HEATR5B: variants seen among roughly 807,000 people sequenced by gnomAD.
HEATR5B encodes the protein HEAT repeat-containing protein 5B.
Under a neutral mutation model 224.1 loss-of-function variants are expected in HEATR5B, and 156 were observed. The observed-to-expected ratio is 0.70, with a 90% CI of 0.61 to 0.80. The LOEUF (loss-of-function observed/expected upper bound fraction) is 0.80. Ranked by LOEUF, HEATR5B falls within the 30% of genes least tolerant of loss-of-function variation. The pLI, the probability that HEATR5B is intolerant of heterozygous loss-of-function variation, is 0.00. For synonymous variants in HEATR5B, 1,027 were observed against 893.0 expected, an observed-to-expected ratio of 1.15 and a Z score of -2.68; for missense variants, 2,323 against 2,535.5, an observed-to-expected ratio of 0.92 and a Z score of 1.80.
chr2:37,022,183 AT>A (rs35822963), intron 24 of HEATR5B, among the ~76,000 whole-genome samples: 26,899 of 145,992 alleles, frequency 0.18, 3,055 homozygotes, highest in East Asian at 0.52. Context: ...TCTTTTTATC[AT>A]TTTTTTTTTT....
intron 28 of HEATR5B, among the ~76,000 whole-genome samples, chr2:37,007,997 C>T (rs944692801): frequency 5.3e-5 from 8 of 152,190 alleles, no homozygotes; most frequent in Non-Finnish European, 1.0e-4. Flanking sequence ...TTCCTCTCCA[C>T]CTCCTGTTGT....
At chr2:37,018,615 GAATTTTAA>G (rs933185423) in intron 26 of HEATR5B, among the ~76,000 whole-genome samples, 2 of 152,182 alleles carry the variant, frequency 1.3e-5, no homozygotes, top group African/African-American at 4.8e-5. Flanking sequence ...GATAAAGTCA[GAATTTTAA>G]ACCTATTATT....
chr2:37,076,839 C>T, intron 4 of HEATR5B, 72 bp downstream of exon 4: 3 of 1,156,528 alleles, frequency 2.6e-6, no homozygotes, highest in Non-Finnish European at 3.8e-6. Flanking sequence ...GAAAAAGAAA[C>T]AAACATATTT....
intron 22 of HEATR5B, 68 bp from the exon 23 acceptor site, chr2:37,028,988 T>G: frequency 6.7e-7 from 1 of 1,490,172 alleles, no homozygotes; most frequent in Non-Finnish European, 9.2e-7. Context: ...ACAATTATGA[T>G]AAAGACCAAG....
chr2:37,006,747 G>C (rs911534933), intron 29 of HEATR5B, among the ~76,000 whole-genome samples: 16 of 152,182 alleles, frequency 1.1e-4, no homozygotes, highest in African/African-American at 3.9e-4. Context: ...GGGATAATTG[G>C]TTAAGTGCCA....
chr2:37,026,987 T>C (rs1015702148), intron 24 of HEATR5B, among the ~76,000 whole-genome samples: 2 of 152,098 alleles, frequency 1.3e-5, no homozygotes, highest in South Asian at 2.1e-4. Flanking sequence ...TTAGTAGAGA[T>C]GGGGTTTCAG....
chr2:37,081,535 C>A (rs1265579711), intron 2 of HEATR5B, among the ~76,000 whole-genome samples: 1 of 152,100 alleles, frequency 6.6e-6, no homozygotes, highest in East Asian at 1.9e-4. Flanking sequence ...ACACAGGACC[C>A]CCTAAGAGAT....
chr2:37,075,996 T>C (rs1672206401), intron 4 of HEATR5B: 1 of 154,394 alleles, frequency 6.5e-6, no homozygotes, highest in East Asian at 1.9e-4. Context: ...AGAAATAATA[T>C]ATAAATGATC....
chr2:37,022,101 G>A (rs1176265034), intron 24 of HEATR5B, among the ~76,000 whole-genome samples: 3 of 151,550 alleles, frequency 2.0e-5, no homozygotes, highest in Non-Finnish European at 4.4e-5. Context: ...CCTTAACCTT[G>A]GCTAATAAAC....
At chr2:37,020,362 T>A (rs967001337) in intron 25 of HEATR5B, among the ~76,000 whole-genome samples, 1 of 152,222 alleles carries the variant, frequency 6.6e-6, no homozygotes, top group Non-Finnish European at 1.5e-5. Flanking sequence ...TTTTATCTCT[T>A]AAAGGGCAGA....
chr2:37,019,997 A>C, intron 25 of HEATR5B, 120 bp from the exon 26 acceptor site: 1 of 627,806 alleles, frequency 1.6e-6, no homozygotes, highest in Non-Finnish European at 2.7e-6. Flanking sequence ...TCTGCCTCGT[A>C]GGCTCAAGCG....
Position 37,037,989 on chromosome 2 carries a change from A to G in HEATR5B, c.3082T>C (p.Cys1028Arg), listed in dbSNP as rs1346479139. 12 of 1,581,068 alleles carry G rather than the reference A, an allele frequency of 7.6e-6. No individual in the cohort carries two copies. The highest frequency in any genetic ancestry group is 9.5e-6 in the Non-Finnish European group (11 of 1,160,884). Residue 1028 changes from cysteine (C) to arginine (R), a missense_variant, in exon 21 of 36, where the codon TGT becomes CGT. Physicochemically the swap from Cys to Arg is radical, Grantham distance 180 (BLOSUM62 -3). Around this residue, in one of 12 missense-constraint regions of HEATR5B, gnomAD observed 88 missense variants for 86.8 expected, o/e 1.01. Transcript: ENST00000233099. Reference sequence around the variant, plus strand: ...TGTGTTATTGCACAACCCACCAAACAAGAGGAACGAATTGTAGAAGTTGTT... The same window carrying G: ...TGTGTTATTGCACAACCCACCAAACGAGAGGAACGAATTGTAGAAGTTGTT... ...GATTSTIRSSCLVGCAITQDH... is the reference protein window; with the variant it reads ...GATTSTIRSSRLVGCAITQDH...
At chr2:37,005,413 G>A (rs17020116) in intron 30 of HEATR5B, among the ~76,000 whole-genome samples, 3,407 of 152,102 alleles carry the variant, frequency 0.022, 129 homozygotes, top group African/African-American at 0.078. Flanking sequence ...CCTAATTCAG[G>A]CACAGTGAAA....
chr2:37,068,725 G>A lies in HEATR5B; in HGVS notation c.1133C>T (p.Ala378Val). The change falls in exon 8 of 36, where the codon GCC becomes GTC. Residue 378 changes from alanine to valine, a missense_variant. By Grantham distance (64) the Ala-to-Val change is moderately conservative (BLOSUM62 0). Transcript: ENST00000233099. ...TCCAATAGCTTGGCAGATTTCTTTG[G>A]CAGCTGCAATCTGGGCTTTTTCACC... ...LLGEKAQIAA[A>V]KEICQAIGKQ... 6.2e-7 allele frequency: 1 copy of A among 1,614,048 alleles called. No individual in the cohort carries two copies. The highest frequency in any genetic ancestry group is 1.1e-5 in the South Asian group (1 of 91,080).
In HEATR5B at chr2:37,038,026, T is replaced by C. The variant is rs746981803; in HGVS notation, c.3047-2A>G. ...TTGTAGAAGTTGTTGCTCCATTCCCTGGTGCAAAATGAAAGAAAATATAAA... is the reference window on the plus strand; with the variant it reads ...TTGTAGAAGTTGTTGCTCCATTCCCCGGTGCAAAATGAAAGAAAATATAAA... On this transcript the variant is annotated splice_acceptor_variant, in intron 20 of 35. Coordinates refer to ENST00000233099, the MANE Select transcript of HEATR5B (RefSeq NM_019024.3). LOFTEE classifies it high-confidence loss of function. 10 of 1,478,024 alleles carry C rather than the reference T, an allele frequency of 6.8e-6. No individual in the cohort carries two copies. The highest frequency in any genetic ancestry group is 9.0e-6 in the Non-Finnish European group (10 of 1,107,446). 91.6% of individuals were successfully genotyped at this position (1,478,024 alleles called of 1,614,324 possible). A position where few individuals can be genotyped will look rare whatever the true frequency, so the allele number is the denominator to read the frequency against.
intron 21 of HEATR5B, 38 bp downstream of exon 21, chr2:37,037,817 A>G: frequency 7.2e-7 from 1 of 1,380,898 alleles, no homozygotes; most frequent in Non-Finnish European, 9.5e-7. Flanking sequence ...AATAAAATAC[A>G]ACTTAAAAAT....
chr2:37,003,781 G>C (rs1156435742), intron 30 of HEATR5B, 95 bp from the exon 31 acceptor site: 100 of 802,534 alleles, frequency 1.2e-4, no homozygotes, highest in Non-Finnish European at 1.7e-4. Context: ...TGTAAAAAAA[G>C]AAATCAGGTA....
At chr2:36,984,237 T>TAAAA (rs1553411544) in intron 35 of HEATR5B, among the ~76,000 whole-genome samples, 8 of 112,032 alleles carry the variant, frequency 7.1e-5, no homozygotes, top group African/African-American at 1.9e-4. Context: ...TATATATATA[T>TAAAA]AAAACTGGAA....
At chr2:37,018,332 T>C (rs994451176) in intron 26 of HEATR5B, among the ~76,000 whole-genome samples, 20 of 152,266 alleles carry the variant, frequency 1.3e-4, no homozygotes, top group African/African-American at 4.8e-4. Flanking sequence ...GCTTAAATGC[T>C]GTGCTCTGAA....
Sources: allele counts gnomAD v4.1 joint callset (sites outside exome capture counted in the v4.1 genomes callset), GRCh38; gene constraint gnomAD v4.1.1; regional missense constraint gnomAD v4.1.1; transcripts MANE v1.5; gene names NCBI Gene and HGNC (gene_info 2026-07-23, HGNC 2026-07-21).